Variants in NPAS3 observed in about 807,000 individuals in gnomAD.
NPAS3 encodes the protein neuronal PAS domain protein 3.
Under a neutral mutation model 73.1 loss-of-function variants are expected in NPAS3, and 14 were observed. That is an observed-to-expected ratio of 0.19 (90% confidence interval 0.13 to 0.30). The LOEUF (loss-of-function observed/expected upper bound fraction) is 0.30. NPAS3 is among the 10% of genes least tolerant of loss of function. The probability of loss-of-function intolerance (pLI) is 1.00; values close to 1 mark genes in which losing one functional copy is unlikely to be tolerated. For synonymous variants in NPAS3, 620 were observed against 541.5 expected (o/e 1.14, Z -2.01); for missense variants, 1,096 against 1,250.0 (o/e 0.88, Z 1.86).
chr14:33,411,549 A>G (rs898279112), intron 4 of NPAS3, among the ~76,000 whole-genome samples: 1 of 152,196 alleles, frequency 6.6e-6, no homozygotes, highest in East Asian at 1.9e-4. Context: ...AGCCAGGGTT[A>G]CTGTTAAATA....
intron 1 of NPAS3, among the ~76,000 whole-genome samples, chr14:32,999,647 T>C (rs2038730849): frequency 1.3e-5 from 2 of 152,226 alleles, no homozygotes. Context: ...TTTCCTTTAA[T>C]ATTTTGGAGG....
chr14:33,612,098 C>T (rs1353094005), intron 5 of NPAS3, among the ~76,000 whole-genome samples: 1 of 152,090 alleles, frequency 6.6e-6, no homozygotes, highest in Non-Finnish European at 1.5e-5. Flanking sequence ...CAGCCATAGC[C>T]ACTGTCCACT....
chr14:33,157,829 C>T (rs530996686), intron 2 of NPAS3, among the ~76,000 whole-genome samples: 3 of 152,130 alleles, frequency 2.0e-5, no homozygotes, highest in African/African-American at 7.2e-5. Context: ...CTTAGTATCC[C>T]TGGGCTTCAG....
chr14:33,649,524 C>T (rs1013515423), intron 5 of NPAS3, among the ~76,000 whole-genome samples: 2 of 152,162 alleles, frequency 1.3e-5, no homozygotes, highest in African/African-American at 4.8e-5. Flanking sequence ...TTGTAGAACT[C>T]GGCTATTAAT....
intron 1 of NPAS3, among the ~76,000 whole-genome samples, chr14:32,947,034 TC>T (rs2036290147): frequency 6.6e-6 from 1 of 152,156 alleles, no homozygotes. Context: ...GAAAGTAGTG[TC>T]CCACAGCATT....
intron 6 of NPAS3, among the ~76,000 whole-genome samples, chr14:33,692,469 T>C (rs1331155257): frequency 6.6e-6 from 1 of 152,160 alleles, no homozygotes; most frequent in Non-Finnish European, 1.5e-5. Context: ...GAATAGTGCA[T>C]AATTAAACTA....
Position 33,111,590 on chromosome 14 carries a change from G to A in NPAS3, c.140+55596G>A, listed in dbSNP as rs555751765. ...CAAAATAAAAGAGATGTGTTAGTTTGAATTTACTTTGCATCATTTAAAAAA... is the reference window on the plus strand; with the variant it reads ...CAAAATAAAAGAGATGTGTTAGTTTAAATTTACTTTGCATCATTTAAAAAA... On this transcript the variant is annotated intron_variant, in intron 2 of 11. Transcript: ENST00000356141. Among the ~76,000 whole-genome samples, 7 of 151,628 alleles carry A rather than the reference G, an allele frequency of 4.6e-5. No individual in the cohort carries two copies. In the East Asian group the frequency reaches 1.4e-3, roughly 29 times the overall value.
In NPAS3 at chr14:33,541,902, G is replaced by C. The variant is rs1258433235; in HGVS notation, c.469-18219G>C. On this transcript the variant is annotated intron_variant, in intron 4 of 11. Coordinates refer to ENST00000356141, the Ensembl canonical transcript of NPAS3. ...CCACTCACTGTAGTGGATTGGTTTA[G>C]CTTTTTCCCTCTGCAGGTTAATTTT... Among the ~76,000 whole-genome samples, 3 of 152,120 alleles carry C rather than the reference G, an allele frequency of 2.0e-5. No homozygotes were observed. The East Asian group carries it at 5.8e-4, about 29-fold the overall frequency.
intron 3 of NPAS3, among the ~76,000 whole-genome samples, chr14:33,291,456 A>G (rs1164318269): frequency 1.3e-5 from 2 of 152,230 alleles, no homozygotes; most frequent in Admixed American, 6.5e-5. Flanking sequence ...GGTGTCAGAA[A>G]GTAAATGTTG....
intron 7 of NPAS3, among the ~76,000 whole-genome samples, chr14:33,754,256 GT>G (rs2062048608): frequency 6.6e-6 from 1 of 152,136 alleles, no homozygotes. Flanking sequence ...AAGGAAATAG[GT>G]GGGGTGTGAG....
At chr14:33,364,207 C>A (rs901386498) in intron 3 of NPAS3, among the ~76,000 whole-genome samples, 1 of 151,940 alleles carries the variant, frequency 6.6e-6, no homozygotes, top group African/African-American at 2.4e-5. Context: ...TGAGGAAATG[C>A]CCCTTTAGTT....
At chr14:33,056,108 G>T in intron 2 of NPAS3, 114 bp downstream of exon 2, 1 of 396,544 alleles carries the variant, frequency 2.5e-6, no homozygotes. Context: ...ATTTAGTGGG[G>T]GAGAAAAAAA....
intron 4 of NPAS3, among the ~76,000 whole-genome samples, chr14:33,553,300 T>G (rs1184158638): frequency 6.6e-6 from 1 of 152,206 alleles, no homozygotes; most frequent in Non-Finnish European, 1.5e-5. Flanking sequence ...TGGGTCTCTT[T>G]GTTCTTCTCA....
At position 33,223,921 on chromosome 14, in the gene NPAS3, C is replaced by A. The variant is rs549517270; in HGVS notation, c.385+8495C>A. Among the ~76,000 whole-genome samples the A allele has an allele frequency of 3.4e-4, 51 of 151,966 alleles. No homozygotes were observed. In the South Asian group the frequency reaches 0.01, roughly 30 times the overall value. On this transcript the variant is annotated intron_variant, in intron 3 of 11. Coordinates refer to ENST00000356141, the Ensembl canonical transcript of NPAS3. ...AATAAGACAGGAGAGTAAGATAGCA[C>A]ATAATGAAGTTTTAAAGAAATCAAG...
chr14:33,674,990 C>T (rs1217157727), intron 5 of NPAS3, among the ~76,000 whole-genome samples: 2 of 151,968 alleles, frequency 1.3e-5, no homozygotes, highest in African/African-American at 4.8e-5. Flanking sequence ...GGTGCAGGCA[C>T]GCAGGTGGAA....
intron 4 of NPAS3, among the ~76,000 whole-genome samples, chr14:33,407,995 T>C (rs2047743650): frequency 6.6e-6 from 1 of 152,162 alleles, no homozygotes; most frequent in African/African-American, 2.4e-5. Context: ...CTCAGCCAAA[T>C]AAATGAATTT....
At chr14:33,086,031 A>G (rs2042014151) in intron 2 of NPAS3, among the ~76,000 whole-genome samples, 1 of 152,004 alleles carries the variant, frequency 6.6e-6, no homozygotes, top group African/African-American at 2.4e-5. Flanking sequence ...CTTTCCACAC[A>G]CTCCCAGTAC....
At chr14:33,771,767 C>A (rs1168661354) in intron 7 of NPAS3, among the ~76,000 whole-genome samples, 1 of 151,880 alleles carries the variant, frequency 6.6e-6, no homozygotes, top group Non-Finnish European at 1.5e-5. Context: ...GCCGAGATCA[C>A]GCCACTAAAC....
At chr14:33,482,053 GTTTT>G (rs35267663) in intron 4 of NPAS3, among the ~76,000 whole-genome samples, 42 of 137,602 alleles carry the variant, frequency 3.1e-4, no homozygotes, top group African/African-American at 8.9e-4. Flanking sequence ...TCAGAAGCAA[GTTTT>G]TTTTTTTTTT....
Sources: gnomAD v4.1 joint callset for allele counts (sites outside exome capture counted in the v4.1 genomes callset) on GRCh38, gnomAD v4.1.1 for gene constraint, MANE v1.5 for transcripts, NCBI Gene and HGNC (gene_info 2026-07-23, HGNC 2026-07-21) for gene names.